Variants in FAM241A observed in about 807,000 individuals in gnomAD.
FAM241A encodes the protein uncharacterized protein FAM241A.
FAM241A carries 7 observed loss-of-function variants against 12.2 expected under a neutral mutation model. That is an observed-to-expected ratio of 0.58 (90% CI 0.33 to 1.08). The LOEUF (loss-of-function observed/expected upper bound fraction) is 1.08. FAM241A is among the 50% of genes least tolerant of loss of function. The probability of loss-of-function intolerance (pLI) is 0.04; values close to 1 mark genes in which losing one functional copy is unlikely to be tolerated. For missense variants in FAM241A, 161 were observed against 169.7 expected, an observed-to-expected ratio of 0.95 and a Z score of 0.29; for synonymous variants, 74 against 68.2, an observed-to-expected ratio of 1.08 and a Z score of -0.42.
intron 1 of FAM241A, among the ~76,000 whole-genome samples, chr4:112,166,275 C>T (rs1723593363): frequency 6.6e-6 from 1 of 151,574 alleles, no homozygotes; most frequent in South Asian, 2.1e-4. Context: ...CAAGTATGGT[C>T]TGTATCTCCT....
chr4:112,162,398 T>TA (rs1723494313), intron 1 of FAM241A, among the ~76,000 whole-genome samples: 1 of 152,186 alleles, frequency 6.6e-6, no homozygotes, highest in Non-Finnish European at 1.5e-5. Context: ...CATGATTATA[T>TA]ATTTAGAAAA....
intron 1 of FAM241A, among the ~76,000 whole-genome samples, chr4:112,161,603 A>G (rs1723471087): frequency 6.6e-6 from 1 of 152,192 alleles, no homozygotes; most frequent in Non-Finnish European, 1.5e-5. Flanking sequence ...TCCCAAGACT[A>G]AACCGGGAAG....
intron 1 of FAM241A, among the ~76,000 whole-genome samples, chr4:112,162,329 GAAAT>G (rs1723492692): frequency 6.6e-6 from 1 of 152,148 alleles, no homozygotes; most frequent in Non-Finnish European, 1.5e-5. Context: ...GCAGGAGAAA[GAAAT>G]AAAGGGTATT....
intron 1 of FAM241A, among the ~76,000 whole-genome samples, chr4:112,148,278 A>G (rs1441542933): frequency 6.6e-6 from 1 of 152,080 alleles, no homozygotes; most frequent in African/African-American, 2.4e-5. Flanking sequence ...TCAACCTGGA[A>G]AGCTCTTTCA....
chr4:112,170,722 T>G (rs1386061296), intron 1 of FAM241A, among the ~76,000 whole-genome samples: 2 of 152,158 alleles, frequency 1.3e-5, no homozygotes, highest in Admixed American at 1.3e-4. Context: ...ATTTAATATT[T>G]TCAGACCACA....
intron 1 of FAM241A, among the ~76,000 whole-genome samples, chr4:112,153,086 T>C (rs1299383574): frequency 6.6e-6 from 1 of 152,216 alleles, no homozygotes; most frequent in Non-Finnish European, 1.5e-5. Context: ...TTATAGAATA[T>C]TTATTGAACA....
intron 1 of FAM241A, among the ~76,000 whole-genome samples, chr4:112,179,829 A>G (rs889416743): frequency 7.4e-5 from 11 of 148,580 alleles, no homozygotes; most frequent in African/African-American, 2.2e-4. Flanking sequence ...TCATGCTCTC[A>G]TATGTTCATC....
At chr4:112,168,419 C>T (rs1051762422) in intron 1 of FAM241A, among the ~76,000 whole-genome samples, 2 of 152,062 alleles carry the variant, frequency 1.3e-5, no homozygotes, top group Non-Finnish European at 2.9e-5. Flanking sequence ...AAAAAATCAG[C>T]CAAGTCAATG....
At chr4:112,164,176 A>C (rs1015209656) in intron 1 of FAM241A, among the ~76,000 whole-genome samples, 10 of 151,418 alleles carry the variant, frequency 6.6e-5, no homozygotes, top group Non-Finnish European at 1.3e-4. Context: ...TGACTAGTTA[A>C]TCGGTGCAGC....
At chr4:112,170,590 A>C (rs1723698698) in intron 1 of FAM241A, among the ~76,000 whole-genome samples, 1 of 152,220 alleles carries the variant, frequency 6.6e-6, no homozygotes, top group Admixed American at 6.5e-5. Context: ...GCATGGATAC[A>C]CTGGACAAAA....
intron 1 of FAM241A, among the ~76,000 whole-genome samples, chr4:112,180,441 GTATT>G (rs1439060898): frequency 6.6e-6 from 1 of 152,184 alleles, no homozygotes; most frequent in East Asian, 1.9e-4. Context: ...TCTTTATACA[GTATT>G]TATGAAGAAT....
chr4:112,187,865 A>G lies in FAM241A; in HGVS notation c.*927A>G, dbSNP rs1214274578. The G allele has an allele frequency of 6.6e-6, 1 of 152,240 alleles. No homozygotes were observed. The highest frequency in any genetic ancestry group is 1.5e-5 in the Non-Finnish European group (1 of 67,968). 9.4% of individuals were successfully genotyped at this position (152,240 alleles called of 1,614,324 possible). A position where few individuals can be genotyped will look rare whatever the true frequency, so the allele number is the denominator to read the frequency against. On this transcript the variant is annotated 3_prime_UTR_variant, in exon 2 of 2. Coordinates refer to ENST00000309733, the MANE Select transcript of FAM241A (RefSeq NM_152400.3). ...CTATCTTGACATGGATTTTTTCACA[A>G]AAAATTTGTATTTTACTGTTGTTTT... is the stretch of plus-strand genomic sequence containing the variant.
At chr4:112,163,052 A>G (rs1461984181) in intron 1 of FAM241A, among the ~76,000 whole-genome samples, 1 of 152,208 alleles carries the variant, frequency 6.6e-6, no homozygotes, top group African/African-American at 2.4e-5. Flanking sequence ...AAAACAAGCA[A>G]TGGGGAAAGG....
rs562197887 is a variant in FAM241A at position 112,181,561 on chromosome 4, C to T, written c.154-5132C>T. On this transcript the variant is annotated intron_variant, in intron 1 of 1. Transcript: ENST00000309733. ...GTTTATAGTACAGGTAGACATTAAT[C>T]AAATAATGACACACATTGGCATTGA... Among the ~76,000 whole-genome samples, 575 of 152,270 alleles carry T rather than the reference C, an allele frequency of 3.8e-3. 4 individuals carry two copies. The highest frequency in any genetic ancestry group is 6.6e-3 in the Non-Finnish European group (449 of 68,026).
At chr4:112,170,668 C>T (rs936654928) in intron 1 of FAM241A, among the ~76,000 whole-genome samples, 5 of 152,008 alleles carry the variant, frequency 3.3e-5, no homozygotes, top group Admixed American at 6.6e-5. Context: ...CTCAAAATGG[C>T]CCACAATTTA....
intron 1 of FAM241A, among the ~76,000 whole-genome samples, chr4:112,175,050 G>A (rs1161601139): frequency 6.6e-6 from 1 of 152,086 alleles, no homozygotes; most frequent in Non-Finnish European, 1.5e-5. Flanking sequence ...CTAGCAGATG[G>A]GTGAATTCTG....
intron 1 of FAM241A, among the ~76,000 whole-genome samples, chr4:112,149,417 G>A (rs1244030571): frequency 6.6e-6 from 1 of 151,912 alleles, no homozygotes; most frequent in Non-Finnish European, 1.5e-5. Flanking sequence ...CTCTCTTTAG[G>A]GCTGCCAAAT....
At position 112,145,643 on chromosome 4, in the gene FAM241A, C is replaced by T; in HGVS notation, c.63C>T (p.Asp21=). The change falls in exon 1 of 2, where the codon GAC becomes GAT. Residue 21 remains aspartate (D), a synonymous_variant. Coordinates refer to ENST00000309733, the MANE Select transcript of FAM241A (RefSeq NM_152400.3). The part of the protein sequence containing the change: ...GDGGERDEDG[D]ALAEREAAGT... ...GCGGGGAACGCGACGAGGACGGGGA[C>T]GCGCTGGCGGAGCGGGAGGCGGCAG... is the stretch of plus-strand genomic sequence containing the variant. 2 of 1,221,542 alleles carry T rather than the reference C, an allele frequency of 1.6e-6. No individual in the cohort carries two copies. The highest frequency in any genetic ancestry group is 2.0e-6 in the Non-Finnish European group (2 of 980,954). The allele number at this position is 1,221,542 out of a possible 1,614,324, so 75.7% of individuals were successfully genotyped here. A position where few individuals can be genotyped will look rare whatever the true frequency, so the allele number is the denominator to read the frequency against.
chr4:112,145,947 C>G (rs1228221557), intron 1 of FAM241A, among the ~76,000 whole-genome samples: 1 of 151,960 alleles, frequency 6.6e-6, no homozygotes, highest in East Asian at 1.9e-4. Context: ...ACGCCAGCGC[C>G]GGCCCCGGGG....
Sources: gnomAD v4.1 joint callset for allele counts (sites outside exome capture counted in the v4.1 genomes callset) on GRCh38, gnomAD v4.1.1 for gene constraint, MANE v1.5 for transcripts, NCBI Gene and HGNC (gene_info 2026-07-23, HGNC 2026-07-21) for gene names.